MCPH1: variants seen among roughly 807,000 people sequenced by gnomAD.
MCPH1 encodes the protein microcephalin 1, also known as microcephalin.
A neutral mutation model predicts 84.5 loss-of-function variants in MCPH1; 104 were observed. The observed-to-expected ratio is 1.23, with a 90% CI of 1.05 to 1.45. The LOEUF is 1.45. MCPH1 is among the 40% of genes most tolerant of loss of function. The pLI, the probability that MCPH1 is intolerant of heterozygous loss-of-function variation, is 0.00. For synonymous variants in MCPH1, 514 were observed against 366.8 expected, an observed-to-expected ratio of 1.40 and a Z score of -4.58; for missense variants, 1,498 against 1,005.7, an observed-to-expected ratio of 1.49 and a Z score of -6.62.
chr8:6,584,082 C>T (rs1827790417), intron 12 of MCPH1, among the ~76,000 whole-genome samples: 1 of 152,124 alleles, frequency 6.6e-6, no homozygotes, highest in South Asian at 2.1e-4. Context: ...CATCATCTTC[C>T]AACATTCCTG....
At chr8:6,557,204 G>A (rs976144163) in intron 12 of MCPH1, among the ~76,000 whole-genome samples, 2 of 152,202 alleles carry the variant, frequency 1.3e-5, no homozygotes, top group African/African-American at 2.4e-5. Context: ...GTGCTTTCCC[G>A]TGTTTGCTTT....
Position 6,477,687 on chromosome 8 carries a change from T to C in MCPH1, c.1973+56T>C, listed in dbSNP as rs2277136. On this transcript the variant is annotated intron_variant, in intron 10 of 13. Transcript: ENST00000344683. The stretch of plus-strand genomic sequence containing the variant: ...TAAAATGTTAACCTTTTCTCTCTTA[T>C]ACTCTAATTCTGGGTGCCTTTAGGC... The C allele has an allele frequency of 0.13, 191,321 of 1,477,612 alleles. 13,267 individuals are homozygous for C. The highest frequency in any genetic ancestry group is 0.24 in the Middle Eastern group (1,350 of 5,634). 91.5% of individuals were successfully genotyped at this position (1,477,612 alleles called of 1,614,324 possible). A position where few individuals can be genotyped will look rare whatever the true frequency, so the allele number is the denominator to read the frequency against.
chr8:6,575,167 C>A (rs1251967397), intron 12 of MCPH1, among the ~76,000 whole-genome samples: 1 of 152,150 alleles, frequency 6.6e-6, no homozygotes, highest in Non-Finnish European at 1.5e-5. Flanking sequence ...CTCAAGAGAG[C>A]CACCTGGGTT....
intron 9 of MCPH1, among the ~76,000 whole-genome samples, chr8:6,458,333 GT>G (rs1563238180): frequency 6.6e-6 from 1 of 151,840 alleles, no homozygotes; most frequent in Non-Finnish European, 1.5e-5. Flanking sequence ...TTAGCTGGGC[GT>G]AGTGGCGGGC....
At chr8:6,600,855 G>C (rs1452227573) in intron 12 of MCPH1, among the ~76,000 whole-genome samples, 2 of 152,172 alleles carry the variant, frequency 1.3e-5, no homozygotes, top group African/African-American at 2.4e-5. Flanking sequence ...TGAGTGCATT[G>C]AGGAGACATT....
At chr8:6,454,580 T>A (rs1805476519) in intron 8 of MCPH1, among the ~76,000 whole-genome samples, 1 of 152,216 alleles carries the variant, frequency 6.6e-6, no homozygotes, top group South Asian at 2.1e-4. Flanking sequence ...GGTTAGCATC[T>A]AAGGAAACCA....
At chr8:6,464,593 C>T (rs546592541) in intron 9 of MCPH1, among the ~76,000 whole-genome samples, 2 of 152,200 alleles carry the variant, frequency 1.3e-5, no homozygotes, top group African/African-American at 4.8e-5. Flanking sequence ...TCTCCTGTGC[C>T]TCAGTGGTCG....
At chr8:6,499,677 A>T in intron 11 of MCPH1, 175 bp from the exon 12 acceptor site, 1 of 591,396 alleles carries the variant, frequency 1.7e-6, no homozygotes, top group Non-Finnish European at 3.0e-6. Context: ...TTTTATTAAT[A>T]TTCATAACAT....
At chr8:6,436,212 TG>T (rs761852897) in intron 5 of MCPH1, 50 bp downstream of exon 5, 33 of 1,582,002 alleles carry the variant, frequency 2.1e-5, no homozygotes, top group Admixed American at 6.8e-5. Context: ...CCATACACCT[TG>T]TTTAATTTGC....
Position 6,643,144 on chromosome 8 carries a change from G to C in MCPH1, c.*95G>C. On this transcript the variant is annotated 3_prime_UTR_variant, in exon 14 of 14. Transcript: ENST00000344683. The stretch of plus-strand genomic sequence containing the variant: ...ACAAAACTGTGAAGAGAAGGAACTG[G>C]CGTATACAAGATGACTTCTGATATC... 2.8e-6 allele frequency: 3 copies of C among 1,065,452 alleles called. No homozygotes were observed. The highest frequency in any genetic ancestry group is 4.3e-6 in the Non-Finnish European group (3 of 695,448). 66.0% of individuals were successfully genotyped at this position (1,065,452 alleles called of 1,614,324 possible).
At chr8:6,581,578 T>C (rs564790989) in intron 12 of MCPH1, among the ~76,000 whole-genome samples, 10 of 152,358 alleles carry the variant, frequency 6.6e-5, no homozygotes, top group South Asian at 4.1e-4. Context: ...ACAATACTAG[T>C]ATTCTTACAA....
intron 11 of MCPH1, among the ~76,000 whole-genome samples, chr8:6,481,948 A>T (rs1182874189): frequency 2.6e-5 from 4 of 152,228 alleles, no homozygotes; most frequent in Admixed American, 2.6e-4. Context: ...AAGTCTTTAA[A>T]TGCATTCTTT....
rs1366536691 is a variant in MCPH1 at position 6,438,898 on chromosome 8, C to A, written c.437-55C>A. ...GTTGTTCTTTAAAAGGAATCACATT[C>A]CTGAAGTATGAAGGCACTTTTTGGT... On this transcript the variant is annotated intron_variant, in intron 5 of 13. Transcript: ENST00000344683. The A allele has an allele frequency of 3.9e-6, 6 of 1,554,626 alleles. No homozygotes were observed. In the African/African-American group the frequency reaches 4.1e-5, roughly 11 times the overall value.
intron 12 of MCPH1, among the ~76,000 whole-genome samples, chr8:6,559,598 T>C (rs1288757088): frequency 6.6e-6 from 1 of 152,238 alleles, no homozygotes. Flanking sequence ...AACGTGTTCA[T>C]AGACTGCAGT....
chr8:6,589,577 A>G lies in MCPH1; in HGVS notation c.2215-31877A>G, dbSNP rs542055339. 2.0e-5 allele frequency among the ~76,000 whole-genome samples: 3 copies of G among 152,304 alleles called. No individual in the cohort carries two copies. In the South Asian group the frequency reaches 6.2e-4, roughly 32 times the overall value. On this transcript the variant is annotated intron_variant, in intron 12 of 13. Transcript: ENST00000344683. ...GGAAGACAAGGCAGTGGGGAAGGGAAGGGTGCTAAGCTTCAGTGACTGCCT... is the reference window on the plus strand; with the variant it reads ...GGAAGACAAGGCAGTGGGGAAGGGAGGGGTGCTAAGCTTCAGTGACTGCCT...
At chr8:6,413,002 A>G (rs1798757079) in intron 2 of MCPH1, among the ~76,000 whole-genome samples, 1 of 152,208 alleles carries the variant, frequency 6.6e-6, no homozygotes, top group Non-Finnish European at 1.5e-5. Context: ...ATTTACCTTC[A>G]TATTTCCAAG....
chr8:6,409,786 C>T (rs1299590502), intron 2 of MCPH1, among the ~76,000 whole-genome samples: 2 of 151,970 alleles, frequency 1.3e-5, no homozygotes, highest in Non-Finnish European at 2.9e-5. Flanking sequence ...GGGGTCAGGA[C>T]CATAGGGGTC....
intron 12 of MCPH1, among the ~76,000 whole-genome samples, chr8:6,608,460 C>T (rs956724188): frequency 6.6e-6 from 1 of 152,218 alleles, no homozygotes; most frequent in African/African-American, 2.4e-5. Context: ...TCCTAACCTT[C>T]AAGCTTGTTA....
chr8:6,515,064 C>T (rs978270852), intron 12 of MCPH1, among the ~76,000 whole-genome samples: 20 of 151,696 alleles, frequency 1.3e-4, no homozygotes, highest in African/African-American at 4.9e-4. Context: ...AGACCCCACC[C>T]TGATGGCTGG....
Sources: gnomAD v4.1 joint callset for allele counts (sites outside exome capture counted in the v4.1 genomes callset) on GRCh38, gnomAD v4.1.1 for gene constraint, MANE v1.5 for transcripts, NCBI Gene and HGNC (gene_info 2026-07-23, HGNC 2026-07-21) for gene names.